CCDC102B: variants seen among roughly 807,000 people sequenced by gnomAD.
CCDC102B encodes the protein coiled-coil domain-containing protein 102B.
Under a neutral mutation model 57.4 loss-of-function variants are expected in CCDC102B, and 75 were observed. The ratio of observed to expected loss-of-function variants is 1.31; its 90% confidence interval spans 1.08 to 1.58. The LOEUF is 1.58. Among genes scored for constraint, CCDC102B ranks in the 40% most tolerant of loss-of-function variants. The pLI is 0.00. For synonymous variants in CCDC102B, 206 were observed against 201.9 expected (o/e 1.02, Z -0.17); for missense variants, 636 against 582.6 (o/e 1.09, Z -0.94).
chr18:68,998,737 G>T (rs1360438920), intron 6 of CCDC102B, among the ~76,000 whole-genome samples: 1 of 151,832 alleles, frequency 6.6e-6, no homozygotes, highest in Non-Finnish European at 1.5e-5. Context: ...GAGGCCAGAA[G>T]ACTCAGTCAG....
At chr18:68,972,071 G>A (rs1413721635) in intron 6 of CCDC102B, among the ~76,000 whole-genome samples, 1 of 152,092 alleles carries the variant, frequency 6.6e-6, no homozygotes, top group Non-Finnish European at 1.5e-5. Flanking sequence ...AAAGTCACTA[G>A]AAATATTAGA....
rs755507403 is a variant in CCDC102B at position 68,897,259 on chromosome 18, A to G, written c.1094A>G (p.Lys365Arg). The change falls in exon 6 of 8, where the codon AAG becomes AGG. Residue 365 changes from lysine (K) to arginine (R), a missense_variant. Transcript: ENST00000360242. ...LQAENTSEWDKREILEREKQG... is the reference protein window; with the variant it reads ...LQAENTSEWDRREILEREKQG... ...GCTGAAAATACCTCGGAGTGGGACA[A>G]GAGGGAAATACTTGAAAGAGAAAAG... is the stretch of plus-strand genomic sequence containing the variant. 6.2e-7 allele frequency: 1 copy of G among 1,613,106 alleles called. No homozygotes were observed. The highest frequency in any genetic ancestry group is 8.5e-7 in the Non-Finnish European group (1 of 1,179,268).
At chr18:68,877,681 T>C (rs895472808) in intron 5 of CCDC102B, among the ~76,000 whole-genome samples, 1 of 152,160 alleles carries the variant, frequency 6.6e-6, no homozygotes, top group Admixed American at 6.5e-5. Context: ...ACATGGGAGG[T>C]CATTGACTTA....
At chr18:68,886,558 A>T (rs2039892818) in intron 5 of CCDC102B, among the ~76,000 whole-genome samples, 1 of 152,090 alleles carries the variant, frequency 6.6e-6, no homozygotes, top group South Asian at 2.1e-4. Flanking sequence ...AAGATTCTTG[A>T]TATATTGTGA....
chr18:69,037,983 T>A (rs1303872189), intron 7 of CCDC102B, among the ~76,000 whole-genome samples: 2 of 152,058 alleles, frequency 1.3e-5, no homozygotes, highest in Non-Finnish European at 2.9e-5. Flanking sequence ...AAATTAAATG[T>A]TGATTTTTTA....
At chr18:68,761,269 G>A (rs191768746) in intron 2 of CCDC102B, among the ~76,000 whole-genome samples, 50 of 151,942 alleles carry the variant, frequency 3.3e-4, no homozygotes, top group Non-Finnish European at 1.3e-4. Flanking sequence ...TTAAACATTC[G>A]TCTACAACTT....
intron 7 of CCDC102B, among the ~76,000 whole-genome samples, chr18:69,016,899 A>G (rs779653852): frequency 2.0e-5 from 3 of 152,164 alleles, no homozygotes; most frequent in African/African-American, 7.2e-5. Context: ...TACAGTATAT[A>G]TTAGCAATCT....
chr18:68,765,308 G>GAAAGAAAAA (rs1568238534), intron 2 of CCDC102B, among the ~76,000 whole-genome samples: 4 of 72,740 alleles, frequency 5.5e-5, no homozygotes, highest in African/African-American at 1.0e-4. Flanking sequence ...AAGGAAGGAA[G>GAAAGAAAAA]GAAGGAAGGA....
At chr18:68,738,354 T>C (rs542215720) in intron 2 of CCDC102B, among the ~76,000 whole-genome samples, 34 of 152,312 alleles carry the variant, frequency 2.2e-4, no homozygotes, top group African/African-American at 7.5e-4. Context: ...ATAAGAGTGC[T>C]TGCTGAGATA....
At chr18:68,804,756 G>A (rs1392730020) in intron 1 of CCDC102B, among the ~76,000 whole-genome samples, 1 of 152,102 alleles carries the variant, frequency 6.6e-6, no homozygotes, top group South Asian at 2.1e-4. Flanking sequence ...AGTTGAAAAT[G>A]ATACTGCGAC....
chr18:68,804,555 G>A (rs2144692420), intron 1 of CCDC102B, among the ~76,000 whole-genome samples: 1 of 152,242 alleles, frequency 6.6e-6, no homozygotes, highest in South Asian at 2.1e-4. Context: ...CAGAATGTGG[G>A]GCAGCTACCA....
chr18:68,775,800 C>T (rs1286991409), intron 2 of CCDC102B, among the ~76,000 whole-genome samples: 2 of 151,740 alleles, frequency 1.3e-5, no homozygotes, highest in African/African-American at 4.8e-5. Context: ...ACTACAGGCG[C>T]CCGCCACCAC....
At chr18:69,049,242 C>T (rs139704965) in intron 7 of CCDC102B, among the ~76,000 whole-genome samples, 5 of 152,118 alleles carry the variant, frequency 3.3e-5, no homozygotes, top group African/African-American at 1.2e-4. Flanking sequence ...TCTCTGTGTC[C>T]ATGTGTTCTC....
intron 2 of CCDC102B, among the ~76,000 whole-genome samples, chr18:68,726,684 T>A (rs535957911): frequency 1.3e-5 from 2 of 152,330 alleles, no homozygotes; most frequent in African/African-American, 4.8e-5. Flanking sequence ...AACATACATT[T>A]GCCTCAAGGA....
chr18:69,008,819 A>G (rs550663393), intron 6 of CCDC102B, among the ~76,000 whole-genome samples: 2 of 152,334 alleles, frequency 1.3e-5, no homozygotes, highest in African/African-American at 4.8e-5. Flanking sequence ...TGTTTCTTCT[A>G]ATACCATACA....
intron 6 of CCDC102B, among the ~76,000 whole-genome samples, chr18:68,994,491 C>T (rs1275502502): frequency 3.9e-5 from 6 of 151,980 alleles, no homozygotes; most frequent in Non-Finnish European, 7.4e-5. Context: ...CCCTATAATC[C>T]TCCCCTCTCC....
chr18:68,896,348 T>C (rs1403309608), intron 5 of CCDC102B, among the ~76,000 whole-genome samples: 1 of 152,026 alleles, frequency 6.6e-6, no homozygotes, highest in African/African-American at 2.4e-5. Context: ...TTATCTTAAA[T>C]CAGAATTTCT....
intron 1 of CCDC102B, among the ~76,000 whole-genome samples, chr18:68,820,332 C>T (rs944511062): frequency 3.9e-5 from 6 of 152,076 alleles, no homozygotes; most frequent in African/African-American, 1.4e-4. Context: ...ATTTTGTTAA[C>T]ATGGTTTATT....
intron 6 of CCDC102B, among the ~76,000 whole-genome samples, chr18:68,970,530 T>A (rs1599771224): frequency 6.6e-6 from 1 of 152,004 alleles, no homozygotes; most frequent in African/African-American, 2.4e-5. Context: ...TAATTACTTT[T>A]TTTTTTTCTG....
Sources: allele counts gnomAD v4.1 joint callset (sites outside exome capture counted in the v4.1 genomes callset), GRCh38; gene constraint gnomAD v4.1.1; transcripts MANE v1.5; gene names NCBI Gene and HGNC (gene_info 2026-07-23, HGNC 2026-07-21).